Variants in PLCB1 observed in about 807,000 individuals in gnomAD.
The protein encoded by PLCB1 is phospholipase C beta 1, also known as 1-phosphatidylinositol 4,5-bisphosphate phosphodiesterase beta-1.
A neutral mutation model predicts 161.8 loss-of-function variants in PLCB1; 46 were observed. That is an observed-to-expected ratio of 0.28 (90% CI 0.22 to 0.36). The LOEUF is 0.36. Among genes scored for constraint, PLCB1 ranks in the 10% least tolerant of loss-of-function variants. The pLI is 1.00. For synonymous variants in PLCB1, 517 were observed against 503.7 expected, an observed-to-expected ratio of 1.03 and a Z score of -0.35; for missense variants, 1,016 against 1,472.5, an observed-to-expected ratio of 0.69 and a Z score of 5.07.
At chr20:8,583,490 A>ATTT (rs1986896356) in intron 3 of PLCB1, among the ~76,000 whole-genome samples, 1 of 152,246 alleles carries the variant, frequency 6.6e-6, no homozygotes, top group Admixed American at 6.5e-5. Context: ...ATCTAACCTA[A>ATTT]CACAGTCAGC....
chr20:8,753,385 G>GCCCA (rs1981582253), intron 23 of PLCB1, among the ~76,000 whole-genome samples: 1 of 151,972 alleles, frequency 6.6e-6, no homozygotes. Flanking sequence ...GAAAGGCTGG[G>GCCCA]GACCACTGAC....
chr20:8,193,543 T>TA (rs2051992717), intron 2 of PLCB1, among the ~76,000 whole-genome samples: 1 of 151,994 alleles, frequency 6.6e-6, no homozygotes, highest in Admixed American at 6.6e-5. Flanking sequence ...GAAGGAGATA[T>TA]AAAAAACAGA....
At chr20:8,442,873 A>G (rs1980625145) in intron 3 of PLCB1, among the ~76,000 whole-genome samples, 1 of 152,172 alleles carries the variant, frequency 6.6e-6, no homozygotes, top group African/African-American at 2.4e-5. Flanking sequence ...ATTCCCTTGG[A>G]TAGTAGCACA....
At chr20:8,640,408 T>C (rs978426210) in intron 4 of PLCB1, among the ~76,000 whole-genome samples, 4 of 152,242 alleles carry the variant, frequency 2.6e-5, no homozygotes, top group Admixed American at 2.0e-4. Flanking sequence ...AATGGAATTA[T>C]TTTTGTAATG....
At chr20:8,341,731 A>G (rs1985817010) in intron 2 of PLCB1, among the ~76,000 whole-genome samples, 1 of 152,338 alleles carries the variant, frequency 6.6e-6, no homozygotes, top group Middle Eastern at 3.4e-3. Context: ...TTCATGTGGA[A>G]GTTTGTAACA....
intron 2 of PLCB1, among the ~76,000 whole-genome samples, chr20:8,331,349 G>GTTTT (rs531663143): frequency 6.9e-6 from 1 of 144,380 alleles, no homozygotes; most frequent in Non-Finnish European, 1.5e-5. Flanking sequence ...TACGTGTGAA[G>GTTTT]TTTTTTTTTT....
At chr20:8,414,813 G>A (rs1979199091) in intron 3 of PLCB1, among the ~76,000 whole-genome samples, 1 of 151,766 alleles carries the variant, frequency 6.6e-6, no homozygotes, top group Non-Finnish European at 1.5e-5. Context: ...GCCACATGTG[G>A]CTAGTGGCTG....
intron 31 of PLCB1, among the ~76,000 whole-genome samples, chr20:8,878,112 C>T (rs1283216658): frequency 1.3e-5 from 2 of 152,130 alleles, no homozygotes; most frequent in East Asian, 3.9e-4. Flanking sequence ...ACTTATCAAG[C>T]ACTATGGGGT....
intron 7 of PLCB1, among the ~76,000 whole-genome samples, chr20:8,650,164 CT>C (rs1989274798): frequency 6.7e-6 from 1 of 148,340 alleles, no homozygotes; most frequent in Non-Finnish European, 1.5e-5. Context: ...ATAAACCCTT[CT>C]TGATGTTTTT....
chr20:8,731,897 C>G (rs1327624572), intron 18 of PLCB1, among the ~76,000 whole-genome samples: 2 of 151,938 alleles, frequency 1.3e-5, no homozygotes, highest in South Asian at 4.1e-4. Context: ...GAAAATTTCA[C>G]TGATTTTTTT....
At chr20:8,365,904 A>G (rs569176840) in intron 2 of PLCB1, among the ~76,000 whole-genome samples, 3 of 152,332 alleles carry the variant, frequency 2.0e-5, no homozygotes, top group Non-Finnish European at 4.4e-5. Context: ...GAATTCAATA[A>G]CAATGCACAG....
intron 3 of PLCB1, among the ~76,000 whole-genome samples, chr20:8,465,187 G>T (rs1443988196): frequency 1.3e-5 from 2 of 151,914 alleles, no homozygotes; most frequent in African/African-American, 4.8e-5. Context: ...TTTAAGTGTT[G>T]TCTGAGACCT....
intron 2 of PLCB1, among the ~76,000 whole-genome samples, chr20:8,153,727 A>G (rs1031343357): frequency 5.3e-5 from 8 of 152,146 alleles, no homozygotes; most frequent in African/African-American, 1.9e-4. Context: ...ACTAGTCACC[A>G]CTAGTTCAGA....
At chr20:8,181,664 G>A (rs6055604) in intron 2 of PLCB1, among the ~76,000 whole-genome samples, 47,616 of 151,858 alleles carry the variant, frequency 0.31, 9,660 homozygotes, top group African/African-American at 0.58. Context: ...GGAATCTAAT[G>A]CCTACCATAG....
intron 3 of PLCB1, among the ~76,000 whole-genome samples, chr20:8,420,607 C>A (rs1325478451): frequency 1.3e-5 from 2 of 152,162 alleles, no homozygotes; most frequent in African/African-American, 4.8e-5. Context: ...AGCTCCCACT[C>A]ATAAGAGAGA....
intron 9 of PLCB1, among the ~76,000 whole-genome samples, chr20:8,664,201 C>G (rs1989754114): frequency 6.6e-6 from 1 of 152,008 alleles, no homozygotes; most frequent in African/African-American, 2.4e-5. Flanking sequence ...TCAGTTCTTC[C>G]TCCTAAATTT....
At chr20:8,843,608 A>G (rs1986586495) in intron 31 of PLCB1, among the ~76,000 whole-genome samples, 2 of 152,010 alleles carry the variant, frequency 1.3e-5, no homozygotes, top group African/African-American at 4.8e-5. Flanking sequence ...TTCATCATAA[A>G]TGAATGTATA....
intron 3 of PLCB1, among the ~76,000 whole-genome samples, chr20:8,530,831 C>G (rs1476178730): frequency 6.6e-6 from 1 of 152,050 alleles, no homozygotes; most frequent in Non-Finnish European, 1.5e-5. Flanking sequence ...TAAGTTCAGG[C>G]TGTTTTTTTC....
At chr20:8,207,695 C>T (rs1978606537) in intron 2 of PLCB1, among the ~76,000 whole-genome samples, 2 of 152,104 alleles carry the variant, frequency 1.3e-5, no homozygotes, top group African/African-American at 4.8e-5. Context: ...ATTCTCCCAC[C>T]TCAGACTCCT....
Sources: allele counts gnomAD v4.1 joint callset (sites outside exome capture counted in the v4.1 genomes callset), GRCh38; gene constraint gnomAD v4.1.1; transcripts MANE v1.5; gene names NCBI Gene and HGNC (gene_info 2026-07-23, HGNC 2026-07-21).